Variants in YAP1 observed in about 807,000 individuals in gnomAD.
YAP1 encodes transcriptional coactivator YAP1.
YAP1 carries 5 observed loss-of-function variants against 56.9 expected under a neutral mutation model. The ratio of observed to expected loss-of-function variants is 0.09; its 90% CI spans 0.05 to 0.18. The LOEUF is 0.18. Ranked by LOEUF, YAP1 falls within the 10% of genes least tolerant of loss-of-function variation. The probability of loss-of-function intolerance (pLI) is 1.00; values close to 1 mark genes in which losing one functional copy is unlikely to be tolerated. For missense variants in YAP1, 539 were observed against 651.8 expected (o/e 0.83, Z 1.88); for synonymous variants, 265 against 248.1 (o/e 1.07, Z -0.64).
intron 1 of YAP1, among the ~76,000 whole-genome samples, chr11:102,113,192 ACT>A (rs1377172914): frequency 1.3e-5 from 2 of 152,056 alleles, no homozygotes; most frequent in East Asian, 3.8e-4. Context: ...TGATAATCAA[ACT>A]CTAATGCTAA....
At chr11:102,113,189 C>G (rs992365064) in intron 1 of YAP1, among the ~76,000 whole-genome samples, 1 of 152,130 alleles carries the variant, frequency 6.6e-6, no homozygotes, top group Admixed American at 6.5e-5. Flanking sequence ...TTTTGATAAT[C>G]AAACTCTAAT....
chr11:102,209,646 G>T, intron 6 of YAP1, 82 bp downstream of exon 6: 2 of 1,311,520 alleles, frequency 1.5e-6, no homozygotes, highest in South Asian at 2.9e-5. Context: ...ACATTCCAGG[G>T]TCCTGTCCTT....
intron 2 of YAP1, among the ~76,000 whole-genome samples, chr11:102,138,336 A>C (rs77421987): frequency 6.6e-6 from 1 of 152,218 alleles, no homozygotes; most frequent in Non-Finnish European, 1.5e-5. Context: ...TCACTCATGC[A>C]TCTGTATCTG....
chr11:102,117,187 C>G (rs571739100), intron 2 of YAP1, among the ~76,000 whole-genome samples: 27 of 152,148 alleles, frequency 1.8e-4, no homozygotes, highest in African/African-American at 6.0e-4. Context: ...TGTCAAAGTT[C>G]ATTTTTATCC....
intron 6 of YAP1, among the ~76,000 whole-genome samples, chr11:102,210,758 T>A (rs192576879): frequency 9.9e-5 from 15 of 152,272 alleles, no homozygotes; most frequent in African/African-American, 3.4e-4. Flanking sequence ...TTTTGTTTTT[T>A]GTTTTTGTTT....
chr11:102,188,406 A>G (rs1948099353), intron 4 of YAP1, among the ~76,000 whole-genome samples: 3 of 152,214 alleles, frequency 2.0e-5, no homozygotes, highest in South Asian at 2.1e-4. Context: ...TTATATGTTT[A>G]TTTATCAGAT....
At chr11:102,135,776 A>T (rs1264040363) in intron 2 of YAP1, among the ~76,000 whole-genome samples, 6 of 152,232 alleles carry the variant, frequency 3.9e-5, no homozygotes, top group Admixed American at 3.9e-4. Flanking sequence ...CAGTTCTTAT[A>T]ATAGTTCTAA....
chr11:102,123,638 T>TTC (rs1176022450), intron 2 of YAP1, among the ~76,000 whole-genome samples: 1 of 81,068 alleles, frequency 1.2e-5, no homozygotes, highest in Non-Finnish European at 3.0e-5. Flanking sequence ...TTTTCTTTTT[T>TTC]TTTTTTTCTT....
chr11:102,225,804 T>C (rs1950165917), intron 7 of YAP1, among the ~76,000 whole-genome samples: 1 of 152,248 alleles, frequency 6.6e-6, no homozygotes, highest in Admixed American at 6.5e-5. Flanking sequence ...CTTGAAGTTG[T>C]GAGCCTCTCA....
chr11:102,230,601 C>G lies in YAP1; in HGVS notation c.*661C>G, dbSNP rs1007977710. 1 of 152,458 alleles carries G rather than the reference C, an allele frequency of 6.6e-6. No homozygotes were observed. The highest frequency in any genetic ancestry group is 1.5e-5 in the Non-Finnish European group (1 of 68,016). The allele number at this position is 152,458 out of a possible 1,614,324, so 9.4% of individuals were successfully genotyped here. Reference sequence around the variant, plus strand: ...AATATATTAATTATTGCCACATACTCTAATATAGATTTTGGTGGATAATTT... The same window carrying G: ...AATATATTAATTATTGCCACATACTGTAATATAGATTTTGGTGGATAATTT... On this transcript the variant is annotated 3_prime_UTR_variant, in exon 9 of 9. Transcript: ENST00000282441.
At chr11:102,225,001 GA>G (rs751680869) in intron 7 of YAP1, among the ~76,000 whole-genome samples, 7 of 151,856 alleles carry the variant, frequency 4.6e-5, no homozygotes, top group Non-Finnish European at 1.0e-4. Flanking sequence ...CACTTATGAA[GA>G]TTTTTTTTCT....
At chr11:102,137,879 CT>C (rs901038833) in intron 2 of YAP1, among the ~76,000 whole-genome samples, 9 of 146,950 alleles carry the variant, frequency 6.1e-5, no homozygotes, top group Admixed American at 1.4e-4. Context: ...GAACTAAGTT[CT>C]TTTTTTTTTC....
intron 2 of YAP1, among the ~76,000 whole-genome samples, chr11:102,117,759 T>C (rs1166830857): frequency 2.0e-5 from 3 of 152,236 alleles, no homozygotes; most frequent in Admixed American, 6.5e-5. Context: ...ATGTGAAGTA[T>C]GTAAACAAGG....
At chr11:102,163,036 T>TA (rs1946388835) in intron 3 of YAP1, among the ~76,000 whole-genome samples, 1 of 151,762 alleles carries the variant, frequency 6.6e-6, no homozygotes, top group African/African-American at 2.4e-5. Context: ...AATGTGGTGT[T>TA]ATTCATTCTA....
chr11:102,189,986 A>G (rs1948189461), intron 4 of YAP1, among the ~76,000 whole-genome samples: 1 of 152,226 alleles, frequency 6.6e-6, no homozygotes, highest in Non-Finnish European at 1.5e-5. Flanking sequence ...GCACCTAACA[A>G]CCAACTAAAT....
intron 5 of YAP1, among the ~76,000 whole-genome samples, chr11:102,208,261 C>A (rs1322180601): frequency 2.6e-5 from 4 of 152,278 alleles, no homozygotes. Flanking sequence ...CCTCATGTCC[C>A]CTTCCCCTGT....
chr11:102,179,892 A>G (rs1268658836), intron 3 of YAP1, among the ~76,000 whole-genome samples: 1 of 152,160 alleles, frequency 6.6e-6, no homozygotes, highest in Non-Finnish European at 1.5e-5. Flanking sequence ...AGTTTAAATG[A>G]TACATAAAAA....
intron 2 of YAP1, among the ~76,000 whole-genome samples, chr11:102,126,270 G>T (rs908275273): frequency 2.0e-5 from 3 of 152,068 alleles, no homozygotes; most frequent in African/African-American, 7.2e-5. Context: ...TTATGATTTG[G>T]TTTAAACCTT....
intron 4 of YAP1, among the ~76,000 whole-genome samples, chr11:102,204,485 A>G (rs1949024314): frequency 6.6e-6 from 1 of 152,228 alleles, no homozygotes; most frequent in Non-Finnish European, 1.5e-5. Context: ...GAATCAGGCA[A>G]TAAATGTCAG....
Sources: allele counts gnomAD v4.1 joint callset (sites outside exome capture counted in the v4.1 genomes callset), GRCh38; gene constraint gnomAD v4.1.1; transcripts MANE v1.5; gene names NCBI Gene and HGNC (gene_info 2026-07-23, HGNC 2026-07-21).